ERO1A: variants seen among roughly 807,000 people sequenced by gnomAD.
The protein encoded by ERO1A is endoplasmic reticulum oxidoreductase 1 alpha.
In ERO1A, 49 loss-of-function variants were observed where a neutral mutation model predicts 76.9. The ratio of observed to expected loss-of-function variants is 0.64; its 90% confidence interval spans 0.51 to 0.81. The LOEUF is 0.81. ERO1A is among the 30% of genes least tolerant of loss of function. The pLI is 0.00. For missense variants in ERO1A, 448 were observed against 542.1 expected (o/e 0.83, Z 1.72); for synonymous variants, 174 against 181.2 (o/e 0.96, Z 0.32).
chr14:52,666,308 T>A (rs1413363663), intron 7 of ERO1A, 67 bp downstream of exon 7: 3 of 1,142,512 alleles, frequency 2.6e-6, no homozygotes, highest in Non-Finnish European at 3.8e-6. Context: ...TAAATCATTA[T>A]GATTTTGTTT....
intron 6 of ERO1A, among the ~76,000 whole-genome samples, chr14:52,667,675 T>C (rs573787233): frequency 1.3e-4 from 20 of 152,204 alleles, no homozygotes; most frequent in Admixed American, 9.8e-4. Context: ...TGAGCCGTGA[T>C]TGCACCACGG....
intron 1 of ERO1A, among the ~76,000 whole-genome samples, chr14:52,695,122 G>A (rs1158968321): frequency 6.6e-6 from 1 of 152,146 alleles, no homozygotes; most frequent in Non-Finnish European, 1.5e-5. Context: ...CCACTCAACC[G>A]CGTGCACCCA....
intron 3 of ERO1A, 142 bp downstream of exon 3, chr14:52,682,183 C>T: frequency 1.6e-6 from 1 of 614,170 alleles, no homozygotes; most frequent in Non-Finnish European, 2.8e-6. Flanking sequence ...TGTTTGAGCC[C>T]AGAAATTCAA....
chr14:52,675,358 G>A (rs937230463), intron 4 of ERO1A, among the ~76,000 whole-genome samples: 1 of 151,376 alleles, frequency 6.6e-6, no homozygotes, highest in African/African-American at 2.4e-5. Context: ...ACTCCAGACT[G>A]TGGACAACAA....
chr14:52,683,908 C>T lies in ERO1A; in HGVS notation c.115-1G>A. The T allele has an allele frequency of 1.3e-6, 2 of 1,560,972 alleles. No homozygotes were observed. The highest frequency in any genetic ancestry group is 1.7e-6 in the Non-Finnish European group (2 of 1,156,538). ...TACAATCATCCAAGTAACCACTAAC[C>T]TGTTACAAAGAAAATGAAATATTAA... On this transcript the variant is annotated splice_acceptor_variant, in intron 1 of 15. Transcript: ENST00000395686. LOFTEE classifies it high-confidence loss of function.
At chr14:52,687,295 T>A (rs555405798) in intron 1 of ERO1A, among the ~76,000 whole-genome samples, 1 of 152,140 alleles carries the variant, frequency 6.6e-6, no homozygotes, top group South Asian at 2.1e-4. Flanking sequence ...CCAGGCATGG[T>A]GGCATACGCC....
intron 2 of ERO1A, 143 bp downstream of exon 2, chr14:52,683,645 C>A: frequency 2.5e-6 from 1 of 401,300 alleles, no homozygotes; most frequent in Non-Finnish European, 4.4e-6. Flanking sequence ...GAATCACATG[C>A]TTCACTCTTA....
At position 52,642,159 on chromosome 14, in the gene ERO1A, G is replaced by A. The variant is rs1352375952; in HGVS notation, c.*1411C>T. On this transcript the variant is annotated 3_prime_UTR_variant, in exon 16 of 16. Transcript: ENST00000395686. Reference sequence around the variant, plus strand: ...AACCCCTTCAAATAGCTTTATAAATGAAGAGCTTCCACTAATGAAAACCTC... The same window carrying A: ...AACCCCTTCAAATAGCTTTATAAATAAAGAGCTTCCACTAATGAAAACCTC... The A allele has an allele frequency of 6.6e-6, 1 of 152,080 alleles. No homozygotes were observed. Among genetic ancestry groups the A allele is most frequent in the East Asian group, 1.9e-4 (1 of 5,192 alleles). 9.4% of individuals were successfully genotyped at this position (152,080 alleles called of 1,614,324 possible).
At chr14:52,668,764 CTTATAATTATACTATAATTATAA>C (rs1037749266) in intron 6 of ERO1A, among the ~76,000 whole-genome samples, 9 of 147,846 alleles carry the variant, frequency 6.1e-5, no homozygotes, top group Non-Finnish European at 1.2e-4. Context: ...TATTACAAAT[CTTATAATTATACTATAATTATAA>C]TTATAATTAT....
At chr14:52,676,299 A>G (rs962683418) in intron 4 of ERO1A, among the ~76,000 whole-genome samples, 4 of 152,238 alleles carry the variant, frequency 2.6e-5, no homozygotes, top group Non-Finnish European at 5.9e-5. Flanking sequence ...CAATTTATCA[A>G]TAAAGGATAA....
chr14:52,657,421 G>T (rs1262821141), intron 11 of ERO1A, among the ~76,000 whole-genome samples: 1 of 152,268 alleles, frequency 6.6e-6, no homozygotes, highest in Non-Finnish European at 1.5e-5. Context: ...GAATAAAATG[G>T]AAGTTTCTAT....
At chr14:52,649,345 A>C (rs2139634917) in intron 13 of ERO1A, among the ~76,000 whole-genome samples, 1 of 152,356 alleles carries the variant, frequency 6.6e-6, no homozygotes, top group East Asian at 1.9e-4. Context: ...TAGGGTACTA[A>C]GGAAACAAGA....
intron 1 of ERO1A, 141 bp from the exon 2 acceptor site, chr14:52,684,048 G>T (rs545407078): frequency 1.9e-4 from 106 of 555,746 alleles, no homozygotes; most frequent in African/African-American, 1.9e-3. Context: ...TTGAGATGGG[G>T]TATGACAATA....
intron 12 of ERO1A, 104 bp from the exon 13 acceptor site, chr14:52,652,412 T>C (rs2139647042): frequency 2.7e-6 from 2 of 742,154 alleles, no homozygotes; most frequent in Non-Finnish European, 4.6e-6. Context: ...GGAGAAAACA[T>C]AGTAAAACCA....
At position 52,653,304 on chromosome 14, in the gene ERO1A, C is replaced by T. The variant is rs2039939144; in HGVS notation, c.820G>A (p.Glu274Lys). Reference sequence around the variant, plus strand: ...GTAATGTTGTGTCCCCATTTCTTTTCTAACCAGGTCTCTAAGAAGGAAGAA... The same window carrying T: ...GTAATGTTGTGTCCCCATTTCTTTTTTAACCAGGTCTCTAAGAAGGAAGAA... ...ARYLLQETWL[E>K]KKWGHNITEF... Residue 274 changes from glutamate (E) to lysine (K), a missense_variant, in exon 12 of 16, where the codon GAA becomes AAA. Glu to Lys is a moderately conservative substitution (Grantham distance 56). This residue lies in a region of ERO1A where 302 missense variants were observed against 411.9 expected (regional missense o/e 0.73). Transcript: ENST00000395686. The T allele has an allele frequency of 6.3e-7, 1 of 1,590,304 alleles. No homozygotes were observed. The highest frequency in any genetic ancestry group is 1.2e-5 in the South Asian group (1 of 85,802).
Position 52,663,898 on chromosome 14 carries a change from G to T in ERO1A, c.630-51C>A, listed in dbSNP as rs546681723. The T allele has an allele frequency of 6.5e-6, 7 of 1,080,692 alleles. No homozygotes were observed. The East Asian group carries it at 1.7e-4, about 26-fold the overall frequency. The allele number at this position is 1,080,692 out of a possible 1,614,324, so 66.9% of individuals were successfully genotyped here. A position where few individuals can be genotyped will look rare whatever the true frequency, so the allele number is the denominator to read the frequency against. ...TCAACACAAATATGTTACCAATCAT[G>T]TTATATTTAAGTGATATTATCTCAG... On this transcript the variant is annotated intron_variant, in intron 7 of 15. Transcript: ENST00000395686.
intron 6 of ERO1A, among the ~76,000 whole-genome samples, chr14:52,667,557 A>G (rs1289259901): frequency 6.6e-6 from 1 of 152,132 alleles, no homozygotes; most frequent in Non-Finnish European, 1.5e-5. Flanking sequence ...CCAGGCATCA[A>G]TAAAAAATAC....
At chr14:52,685,264 C>G (rs1433235288) in intron 1 of ERO1A, among the ~76,000 whole-genome samples, 1 of 152,132 alleles carries the variant, frequency 6.6e-6, no homozygotes, top group Non-Finnish European at 1.5e-5. Context: ...CTTTTTACTG[C>G]TTTTCCCACT....
chr14:52,644,818 G>A (rs1013847825), intron 15 of ERO1A, among the ~76,000 whole-genome samples: 1 of 151,690 alleles, frequency 6.6e-6, no homozygotes, highest in Admixed American at 6.6e-5. Context: ...CTCTGCTCTC[G>A]ATCATGAAAA....
Sources: allele counts gnomAD v4.1 joint callset (sites outside exome capture counted in the v4.1 genomes callset), GRCh38; gene constraint gnomAD v4.1.1; regional missense constraint gnomAD v4.1.1; transcripts MANE v1.5; gene names NCBI Gene and HGNC (gene_info 2026-07-23, HGNC 2026-07-21).